NME7: variants seen among roughly 807,000 people sequenced by gnomAD.
The protein encoded by NME7 is NME/NM23 family member 7.
In NME7, 41 loss-of-function variants were observed where a neutral mutation model predicts 49.1. The observed-to-expected ratio is 0.83, with a 90% CI of 0.65 to 1.08. NME7 has a LOEUF of 1.08. NME7 is among the 50% of genes least tolerant of loss of function. The pLI is 0.00. For synonymous variants in NME7, 139 were observed against 150.6 expected, an observed-to-expected ratio of 0.92 and a Z score of 0.56; for missense variants, 423 against 463.4, an observed-to-expected ratio of 0.91 and a Z score of 0.80.
chr1:169,246,182 T>C (rs1325757641), intron 7 of NME7, among the ~76,000 whole-genome samples: 2 of 152,070 alleles, frequency 1.3e-5, no homozygotes, highest in Non-Finnish European at 2.9e-5. Context: ...GGTGTGTGCC[T>C]GTAGTCCCAG....
chr1:169,278,833 T>C (rs1049882467), intron 7 of NME7, among the ~76,000 whole-genome samples: 6 of 152,194 alleles, frequency 3.9e-5, no homozygotes, highest in Admixed American at 6.5e-5. Flanking sequence ...TTTTGATCTT[T>C]GATGATGGTG....
intron 1 of NME7, among the ~76,000 whole-genome samples, chr1:169,339,825 A>G (rs1652618793): frequency 6.6e-6 from 1 of 152,222 alleles, no homozygotes; most frequent in Non-Finnish European, 1.5e-5. Flanking sequence ...GCCAGTGGCT[A>G]CAAATCAAAG....
At chr1:169,215,127 G>T (rs1660939907) in intron 10 of NME7, among the ~76,000 whole-genome samples, 1 of 152,214 alleles carries the variant, frequency 6.6e-6, no homozygotes, top group Admixed American at 6.5e-5. Flanking sequence ...AGGGGAGCTG[G>T]AGGGGAAGGG....
intron 11 of NME7, among the ~76,000 whole-genome samples, chr1:169,134,674 T>A (rs934024982): frequency 4.6e-5 from 7 of 152,176 alleles, no homozygotes; most frequent in African/African-American, 1.7e-4. Context: ...CTAGCTAGGA[T>A]TTTTAAACTG....
At chr1:169,161,763 T>C (rs1659252188) in intron 11 of NME7, among the ~76,000 whole-genome samples, 1 of 152,130 alleles carries the variant, frequency 6.6e-6, no homozygotes, top group Non-Finnish European at 1.5e-5. Context: ...AACTGAAAAC[T>C]GTCTTTGTAA....
chr1:169,301,920 G>A (rs368995653), intron 5 of NME7: 5 of 152,096 alleles, frequency 3.3e-5, no homozygotes, highest in African/African-American at 7.2e-5. Context: ...GACTACTAGA[G>A]GAGAGAAGGC....
At chr1:169,354,107 T>C (rs1358727892) in intron 1 of NME7, among the ~76,000 whole-genome samples, 1 of 152,132 alleles carries the variant, frequency 6.6e-6, no homozygotes, top group African/African-American at 2.4e-5. Flanking sequence ...CCATGTTTAT[T>C]GCAGCACTAT....
At chr1:169,350,450 G>A (rs1265636780) in intron 1 of NME7, among the ~76,000 whole-genome samples, 1 of 152,018 alleles carries the variant, frequency 6.6e-6, no homozygotes, top group Non-Finnish European at 1.5e-5. Flanking sequence ...GAAGACTACA[G>A]CCTGTGCAAA....
chr1:169,198,295 C>A (rs1302081633), intron 10 of NME7, among the ~76,000 whole-genome samples: 1 of 151,934 alleles, frequency 6.6e-6, no homozygotes, highest in African/African-American at 2.4e-5. Flanking sequence ...TTGGAAAAAA[C>A]TCTACTAGTT....
At chr1:169,335,997 G>A (rs1044967109) in intron 1 of NME7, among the ~76,000 whole-genome samples, 3 of 151,848 alleles carry the variant, frequency 2.0e-5, no homozygotes, top group African/African-American at 4.8e-5. Context: ...GTGGACCCTC[G>A]CAGTGAGTGT....
chr1:169,184,018 A>C (rs1660001215), intron 10 of NME7, among the ~76,000 whole-genome samples: 1 of 151,874 alleles, frequency 6.6e-6, no homozygotes, highest in African/African-American at 2.4e-5. Context: ...GAAAAGAAAA[A>C]CTTTTTATTA....
At chr1:169,242,972 C>T (rs1648156014) in intron 7 of NME7, among the ~76,000 whole-genome samples, 1 of 151,928 alleles carries the variant, frequency 6.6e-6, no homozygotes, top group African/African-American at 2.4e-5. Flanking sequence ...TCAATTCTCC[C>T]TAAATTGACA....
intron 7 of NME7, among the ~76,000 whole-genome samples, chr1:169,251,255 T>C (rs1344899864): frequency 2.6e-5 from 4 of 152,162 alleles, no homozygotes; most frequent in African/African-American, 9.6e-5. Context: ...TTACTGTTGT[T>C]GCTTTAAAAT....
At chr1:169,186,379 A>C (rs982123728) in intron 10 of NME7, among the ~76,000 whole-genome samples, 10 of 152,142 alleles carry the variant, frequency 6.6e-5, no homozygotes, top group Non-Finnish European at 1.5e-4. Context: ...TATTGCTCTG[A>C]GGGGTTTGAC....
intron 1 of NME7, among the ~76,000 whole-genome samples, chr1:169,347,742 C>A (rs1652998360): frequency 6.6e-6 from 1 of 152,094 alleles, no homozygotes; most frequent in African/African-American, 2.4e-5. Context: ...AAAAGTTGTG[C>A]CTTCCTGAGA....
chr1:169,329,277 T>A (rs1652175226), intron 1 of NME7, among the ~76,000 whole-genome samples: 1 of 152,042 alleles, frequency 6.6e-6, no homozygotes. Context: ...ACTTCCTTGT[T>A]CCTAAATATT....
At chr1:169,291,568 G>A (rs922701813) in intron 6 of NME7, among the ~76,000 whole-genome samples, 1 of 151,832 alleles carries the variant, frequency 6.6e-6, no homozygotes, top group African/African-American at 2.4e-5. Context: ...GGGGTGATGG[G>A]TGCAGCAAAC....
intron 11 of NME7, among the ~76,000 whole-genome samples, chr1:169,143,506 C>T (rs931485019): frequency 3.3e-5 from 5 of 152,144 alleles, no homozygotes; most frequent in Non-Finnish European, 2.9e-5. Flanking sequence ...TCCTGTCTTT[C>T]ACTACACAGC....
At chr1:169,307,494 T>C (rs982024097) in intron 4 of NME7, among the ~76,000 whole-genome samples, 1 of 152,124 alleles carries the variant, frequency 6.6e-6, no homozygotes, top group African/African-American at 2.4e-5. Flanking sequence ...AAGGCATGGG[T>C]GGAATTAACA....
Sources: gnomAD v4.1 joint callset for allele counts (sites outside exome capture counted in the v4.1 genomes callset) on GRCh38, gnomAD v4.1.1 for gene constraint, MANE v1.5 for transcripts, NCBI Gene and HGNC (gene_info 2026-07-23, HGNC 2026-07-21) for gene names.